Variants in DACH2 observed in about 807,000 individuals in gnomAD.
DACH2 encodes dachshund homolog 2.
Under a neutral mutation model 35.8 loss-of-function variants are expected in DACH2, and 17 were observed. That is an observed-to-expected ratio of 0.48 (90% CI 0.33 to 0.71). The LOEUF is 0.71. DACH2 is among the 30% of genes least tolerant of loss of function. The probability of loss-of-function intolerance (pLI) is 0.02; values close to 1 mark genes in which losing one functional copy is unlikely to be tolerated. For missense variants in DACH2, 469 were observed against 472.7 expected (o/e 0.99, Z 0.07); for synonymous variants, 195 against 177.3 (o/e 1.10, Z -0.79).
At chrX:86,221,928 C>T (rs972654033) in intron 1 of DACH2, among the ~76,000 whole-genome samples, 1 of 112,262 alleles carries the variant, frequency 8.9e-6, no homozygotes, top group Non-Finnish European at 1.9e-5. Flanking sequence ...CCTCACACGG[C>T]TTTTCCTCTG....
At chrX:86,293,791 C>A (rs2034369613) in intron 1 of DACH2, among the ~76,000 whole-genome samples, 1 of 111,616 alleles carries the variant, frequency 9.0e-6, no homozygotes, top group African/African-American at 3.3e-5. Flanking sequence ...GCCGAGAGAT[C>A]AGCTGTTAGT....
At chrX:86,395,959 C>G in intron 2 of DACH2, among the ~76,000 whole-genome samples, 1 of 111,663 alleles carries the variant, frequency 9.0e-6, no homozygotes, top group East Asian at 2.8e-4. Flanking sequence ...TGAGGAATCA[C>G]CACACCGACT....
intron 6 of DACH2, among the ~76,000 whole-genome samples, chrX:86,733,460 A>G (rs1196873303): frequency 1.8e-5 from 2 of 112,046 alleles, no homozygotes; most frequent in Non-Finnish European, 3.8e-5. Context: ...TAATATAGCT[A>G]TAACATGAAT....
At chrX:86,281,590 C>A (rs988359026) in intron 1 of DACH2, among the ~76,000 whole-genome samples, 1 of 50,190 alleles carries the variant, frequency 2.0e-5, no homozygotes, top group Non-Finnish European at 3.2e-5. Flanking sequence ...AAAACTGGCA[C>A]AAGACAAGGA....
intron 1 of DACH2, among the ~76,000 whole-genome samples, chrX:86,220,165 CAAAA>C (rs57964243): frequency 1.0e-4 from 5 of 50,059 alleles, no homozygotes; most frequent in African/African-American, 3.9e-4. Flanking sequence ...GACTCCATCT[CAAAA>C]AAAAAAAAAA....
chrX:86,651,133 C>T lies in DACH2; in HGVS notation c.738C>T (p.Thr246=), dbSNP rs139247914. Residue 246 remains threonine, a synonymous_variant, in exon 4 of 12, where the codon ACC becomes ACT. Transcript: ENST00000373125. ...TLQGNGSQNG[T]ESEPDDLNSN... The stretch of plus-strand genomic sequence containing the variant: ...AGGGAAATGGAAGCCAAAATGGGAC[C>T]GAATCAGAGCCTGATGATCTTAATT... 10 of 1,207,141 alleles carry T rather than the reference C, an allele frequency of 8.3e-6. No individual in the cohort carries two copies. The highest frequency in any genetic ancestry group is 5.3e-5 in the African/African-American group (3 of 56,968).
At chrX:86,761,673 T>C (rs1274112311) in intron 7 of DACH2, among the ~76,000 whole-genome samples, 1 of 111,955 alleles carries the variant, frequency 8.9e-6, no homozygotes, top group Non-Finnish European at 1.9e-5. Context: ...ATAGACTGGA[T>C]AAAGAAAATC....
intron 3 of DACH2, among the ~76,000 whole-genome samples, chrX:86,543,942 A>G (rs2148302030): frequency 9.1e-6 from 1 of 109,337 alleles, no homozygotes; most frequent in South Asian, 4.1e-4. Flanking sequence ...ATATGTAACT[A>G]ACCTGCACAT....
chrX:86,362,890 G>C (rs753425316), intron 1 of DACH2, among the ~76,000 whole-genome samples: 4 of 110,790 alleles, frequency 3.6e-5, no homozygotes, highest in Non-Finnish European at 1.9e-5. Flanking sequence ...TAGTAGTCTA[G>C]ATATCATAAT....
At chrX:86,378,538 C>T (rs2148105458) in intron 2 of DACH2, among the ~76,000 whole-genome samples, 1 of 110,694 alleles carries the variant, frequency 9.0e-6, no homozygotes, top group Non-Finnish European at 1.9e-5. Context: ...TAAGATCTGA[C>T]TTTTTAAAAG....
chrX:86,629,724 TA>T lies in DACH2; in HGVS notation c.641-21299del, dbSNP rs201747809. Among the ~76,000 whole-genome samples, 270 of 98,765 alleles carry T rather than the reference TA, an allele frequency of 2.7e-3. 1 individual carries two copies. The highest frequency in any genetic ancestry group is 3.4e-3 in the African/African-American group (94 of 27,255). 85.8% of individuals were successfully genotyped at this position (98,765 alleles called of 115,157 possible). On this transcript the variant is annotated intron_variant, in intron 3 of 11. Coordinates refer to ENST00000373125, the MANE Select transcript of DACH2 (RefSeq NM_053281.3). ...ATGGTGAAACCCTATCTCTGCAGAA[TA>T]AAAAAAAAAAAATTAGCCAGGCTTA...
intron 1 of DACH2, among the ~76,000 whole-genome samples, chrX:86,307,839 G>T (rs1393437164): frequency 8.9e-6 from 1 of 111,749 alleles, no homozygotes; most frequent in Non-Finnish European, 1.9e-5. Context: ...GAATGGGAAT[G>T]GATACAAAGG....
chrX:86,239,191 A>C lies in DACH2; in HGVS notation c.488+90083A>C, dbSNP rs2033116046. Among the ~76,000 whole-genome samples the C allele has an allele frequency of 3.6e-5, 4 of 111,885 alleles. No individual in the cohort carries two copies. In the South Asian group the frequency reaches 1.1e-3, roughly 31 times the overall value. On this transcript the variant is annotated intron_variant, in intron 1 of 11. Coordinates refer to ENST00000373125, the MANE Select transcript of DACH2 (RefSeq NM_053281.3). ...TCATAGTTTTTGGTTTGAGCTTTGA[A>C]GTAACTGATTTAGATTGTTAATTTT...
intron 1 of DACH2, among the ~76,000 whole-genome samples, chrX:86,310,815 C>T (rs1254120365): frequency 9.0e-6 from 1 of 111,469 alleles, no homozygotes; most frequent in Non-Finnish European, 1.9e-5. Context: ...TGCTCACCAA[C>T]AGGTGACCTC....
At chrX:86,186,635 T>A (rs1445024531) in intron 1 of DACH2, among the ~76,000 whole-genome samples, 1 of 111,375 alleles carries the variant, frequency 9.0e-6, no homozygotes, top group Non-Finnish European at 1.9e-5. Flanking sequence ...AAGTCTTACA[T>A]CTCGGCTGCA....
chrX:86,742,977 C>T (rs1227785489), intron 7 of DACH2, among the ~76,000 whole-genome samples: 1 of 111,456 alleles, frequency 9.0e-6, no homozygotes, highest in Non-Finnish European at 1.9e-5. Flanking sequence ...AGCCCTCTTA[C>T]TATGCCAGCT....
At chrX:86,637,022 A>C (rs898718164) in intron 3 of DACH2, among the ~76,000 whole-genome samples, 1 of 104,667 alleles carries the variant, frequency 9.6e-6, no homozygotes, top group African/African-American at 3.5e-5. Flanking sequence ...AAAAAAAAAA[A>C]AAAACTGAGT....
At chrX:86,464,164 T>C (rs2037624202) in intron 2 of DACH2, among the ~76,000 whole-genome samples, 1 of 110,892 alleles carries the variant, frequency 9.0e-6, no homozygotes, top group East Asian at 2.8e-4. Context: ...GTAATCCCAT[T>C]ACTGGGTATA....
chrX:86,199,341 C>G (rs1431028641), intron 1 of DACH2, among the ~76,000 whole-genome samples: 7 of 111,227 alleles, frequency 6.3e-5, no homozygotes, highest in African/African-American at 2.3e-4. Flanking sequence ...AAGCATTCCC[C>G]TTGAAAAGTG....
Sources: allele counts gnomAD v4.1 joint callset (sites outside exome capture counted in the v4.1 genomes callset), GRCh38; gene constraint gnomAD v4.1.1; transcripts MANE v1.5; gene names NCBI Gene and HGNC (gene_info 2026-07-23, HGNC 2026-07-21).